KRTAP4-7: variants seen among roughly 807,000 people sequenced by gnomAD.
KRTAP4-7 encodes keratin associated protein 4-7, also known as putative keratin-associated protein 4-X.
In KRTAP4-7, 1 loss-of-function variant was observed where a neutral mutation model predicts 3.0. That is an observed-to-expected ratio of 0.33 (90% CI 0.12 to 1.57). KRTAP4-7 has a LOEUF of 1.57. Ranked by LOEUF, KRTAP4-7 falls within the 40% of genes most tolerant of loss-of-function variation. The pLI is 0.37. For missense variants in KRTAP4-7, 199 were observed against 209.1 expected (o/e 0.95, Z 0.30); for synonymous variants, 70 against 74.6 (o/e 0.94, Z 0.32).
exon 1 of KRTAP4-7, chr17:41,084,475 G>A (rs760521297): frequency 1.5e-5 from 23 of 1,516,888 alleles, no homozygotes; most frequent in Non-Finnish European, 1.6e-5. Flanking sequence ...CCCAGCTGCT[G>A]TATGTCCAGC....
At chr17:41,084,422 G>T (rs766371233) in exon 1 of KRTAP4-7, 2 of 1,405,288 alleles carry the variant, frequency 1.4e-6, no homozygotes, top group South Asian at 1.3e-5. Context: ...GCTGTGAGAC[G>T]ACCTGCTGCC....
exon 1 of KRTAP4-7, chr17:41,084,754 C>T: frequency 6.7e-7 from 1 of 1,491,384 alleles, no homozygotes; most frequent in South Asian, 1.4e-5. Flanking sequence ...CATTAGGATA[C>T]ATGAAGTGGG....
exon 1 of KRTAP4-7, chr17:41,084,661 C>G: frequency 6.3e-7 from 1 of 1,594,598 alleles, no homozygotes; most frequent in South Asian, 1.1e-5. Context: ...TGCTGTGCCT[C>G]CTCTTGCTGC....
At chr17:41,085,042 C>A in exon 1 of KRTAP4-7, 1 of 337,928 alleles carries the variant, frequency 3.0e-6, no homozygotes. Flanking sequence ...GATGTTGCAC[C>A]CTCAGATCCA....
exon 1 of KRTAP4-7, chr17:41,085,067 T>G: frequency 3.6e-6 from 1 of 277,152 alleles, no homozygotes; most frequent in Non-Finnish European, 7.2e-6. Context: ...CCCAATTGTA[T>G]TCTGTGTTTC....
At position 41,084,282 on chromosome 17, in the gene KRTAP4-7, C is replaced by T. The variant is rs764744280; in HGVS notation, c.76C>T (p.Arg26Cys). ...AGACCTCTGTCAGGAGACCTGCTGCCGCCCCAGCTGCTGTCAGACCACCTG... is the reference window on the plus strand; with the variant it reads ...AGACCTCTGTCAGGAGACCTGCTGCTGCCCCAGCTGCTGTCAGACCACCTG... Residue 26 changes from arginine to cysteine, a missense_variant, in exon 1 of 1, where the codon CGC (arginine) becomes TGC (cysteine). By Grantham distance (180) the Arg-to-Cys change is radical. Coordinates refer to ENST00000391417, the Ensembl canonical transcript of KRTAP4-7. 1.5e-5 allele frequency: 25 copies of T among 1,613,720 alleles called. No homozygotes were observed. Among genetic ancestry groups the T allele is most frequent in the East Asian group, 2.2e-5 (1 of 44,864 alleles).
At chr17:41,084,345 T>G in exon 1 of KRTAP4-7, 1 of 1,608,182 alleles carries the variant, frequency 6.2e-7, no homozygotes. Flanking sequence ...CTGTTGTGTG[T>G]CCAGCTGCTG....
rs556699029 is a variant in KRTAP4-7, at chr17:41,084,428, C to T, written c.222C>T (p.Cys74=). The stretch of plus-strand genomic sequence containing the variant: ...GCCCCACCTGCTGTGAGACGACCTG[C>T]TGCCACCCTAGGTGCTGCATCTCCA... The change falls in exon 1 of 1, where the codon TGC becomes TGT. Residue 74 remains cysteine, a synonymous_variant. Transcript: ENST00000391417. 6,853 of 1,419,176 alleles carry T rather than the reference C, an allele frequency of 4.8e-3. 24 individuals carry two copies. Among genetic ancestry groups the T allele is most frequent in the Non-Finnish European group, 6.0e-3 (6,255 of 1,045,896 alleles). 87.9% of individuals were successfully genotyped at this position (1,419,176 alleles called of 1,614,324 possible).
chr17:41,084,465 C>A, exon 1 of KRTAP4-7: 13 of 1,517,246 alleles, frequency 8.6e-6, no homozygotes, highest in Admixed American at 5.2e-5. Flanking sequence ...CTGCTGCCGC[C>A]CCAGCTGCTG....
chr17:41,084,407 C>T, exon 1 of KRTAP4-7: 2 of 1,420,596 alleles, frequency 1.4e-6, no homozygotes, highest in Non-Finnish European at 1.9e-6. Context: ...GCTGTCGCCC[C>T]ACCTGCTGTG....
exon 1 of KRTAP4-7, chr17:41,084,394 C>G (rs1239419533): frequency 8.4e-6 from 12 of 1,424,316 alleles, no homozygotes; most frequent in Admixed American, 7.8e-5. Flanking sequence ...TGCCAACCCA[C>G]CTGCTGTCGC....
Position 41,084,394 on chromosome 17 carries a change from C to T in KRTAP4-7, c.188C>T (p.Thr63Ile), listed in dbSNP as rs1239419533. The change falls in exon 1 of 1, where the codon ACC becomes ATC. Residue 63 changes from threonine (T) to isoleucine (I), a missense_variant. Thr to Ile is a moderately conservative substitution (Grantham distance 89). Coordinates refer to ENST00000391417, the Ensembl canonical transcript of KRTAP4-7. ...TGCCAGTCTGTGTGCTGCCAACCCA[C>T]CTGCTGTCGCCCCACCTGCTGTGAG... 8 of 1,424,316 alleles carry T rather than the reference C, an allele frequency of 5.6e-6. No individual in the cohort carries two copies. Among genetic ancestry groups the T allele is most frequent in the East Asian group, 2.7e-5 (1 of 37,556 alleles). 88.2% of individuals were successfully genotyped at this position (1,424,316 alleles called of 1,614,324 possible). A position where few individuals can be genotyped will look rare whatever the true frequency, so the allele number is the denominator to read the frequency against.
chr17:41,084,821 A>G (rs2013621689), exon 1 of KRTAP4-7: 4 of 1,263,960 alleles, frequency 3.2e-6, no homozygotes, highest in Non-Finnish European at 4.3e-6. Context: ...CCACCATTTC[A>G]CTGACTCTGT....
exon 1 of KRTAP4-7, chr17:41,084,966 C>CCTTTGT (rs1240816828): frequency 1.7e-6 from 1 of 577,278 alleles, no homozygotes; most frequent in African/African-American, 1.9e-5. Context: ...TTTTCTTTAT[C>CCTTTGT]ACTTTAAGGT....
chr17:41,084,603 A>G lies in KRTAP4-7; in HGVS notation c.397A>G (p.Thr133Ala), dbSNP rs781000451. 1.9e-4 allele frequency: 311 copies of G among 1,596,070 alleles called. No individual in the cohort carries two copies. Among genetic ancestry groups the G allele is most frequent in the Non-Finnish European group, 2.6e-4 (300 of 1,170,772 alleles). The change falls in exon 1 of 1, where the codon ACT (threonine) becomes GCT (alanine). Residue 133 changes from threonine (T) to alanine (A), a missense_variant. Thr to Ala is a moderately conservative substitution (Grantham distance 58, BLOSUM62 0). Transcript: ENST00000391417. The stretch of plus-strand genomic sequence containing the variant: ...CTGTGGCCGAGTCTCCTGCCACACC[A>G]CTTGCTATCGCCCAACCTGTGTCAT...
Position 41,084,477 on chromosome 17 carries a change from A to G in KRTAP4-7, c.271A>G (p.Met91Val), listed in dbSNP as rs200532954. The G allele has an allele frequency of 1.2e-3, 1,751 of 1,444,538 alleles. 23 individuals are homozygous for G. In the East Asian group the frequency reaches 0.029, roughly 24 times the overall value. 89.5% of individuals were successfully genotyped at this position (1,444,538 alleles called of 1,614,324 possible). A position where few individuals can be genotyped will look rare whatever the true frequency, so the allele number is the denominator to read the frequency against. ...CAGCTGCTGCCGCCCCAGCTGCTGT[A>G]TGTCCAGCTGCTGCAAGCCCCAGTG... Residue 91 changes from methionine to valine, a missense_variant, in exon 1 of 1, where the codon ATG becomes GTG. Coordinates refer to ENST00000391417, the Ensembl canonical transcript of KRTAP4-7.
Position 41,084,325 on chromosome 17 carries a change from A to G in KRTAP4-7, c.119A>G (p.Tyr40Cys), listed in dbSNP as rs755142071. 6.3e-4 allele frequency: 1,018 copies of G among 1,608,094 alleles called. 4 individuals carry two copies. The Middle Eastern group carries it at 0.011, about 17-fold the overall frequency. Residue 40 changes from tyrosine (Y) to cysteine (C), a missense_variant, in exon 1 of 1, where the codon TAC (tyrosine) becomes TGC (cysteine). Transcript: ENST00000391417. The stretch of plus-strand genomic sequence containing the variant: ...ACCACCTGTTGCAGGACCACCTGCT[A>G]CCGCCCCAGCTGTTGTGTGTCCAGC...
chr17:41,084,400 G>C (rs1337427522), exon 1 of KRTAP4-7: 2 of 1,422,978 alleles, frequency 1.4e-6, no homozygotes, highest in East Asian at 5.3e-5. Context: ...CCCACCTGCT[G>C]TCGCCCCACC....
exon 1 of KRTAP4-7, chr17:41,084,920 T>G (rs940354698): frequency 1.6e-6 from 1 of 628,694 alleles, no homozygotes; most frequent in Admixed American, 3.3e-5. Flanking sequence ...TGTAATACAC[T>G]AGCTAAGAAA....
Sources: gnomAD v4.1 joint callset for allele counts on GRCh38, gnomAD v4.1.1 for gene constraint, MANE v1.5 for transcripts, NCBI Gene and HGNC (gene_info 2026-07-23, HGNC 2026-07-21) for gene names.